CFAP20DC: variants seen among roughly 807,000 people sequenced by gnomAD.
CFAP20DC encodes the protein CFAP20 domain containing.
A neutral mutation model predicts 101.7 loss-of-function variants in CFAP20DC; 84 were observed. That is an observed-to-expected ratio of 0.83 (90% confidence interval 0.69 to 0.99). The LOEUF is 0.99. CFAP20DC is among the 50% of genes least tolerant of loss of function. The probability of loss-of-function intolerance (pLI) is 0.00; values close to 1 mark genes in which losing one functional copy is unlikely to be tolerated. For synonymous variants in CFAP20DC, 359 were observed against 351.2 expected (o/e 1.02, Z -0.25); for missense variants, 1,007 against 970.3 (o/e 1.04, Z -0.50).
intron 5 of CFAP20DC, among the ~76,000 whole-genome samples, chr3:58,924,426 G>T (rs2085727662): frequency 1.3e-5 from 2 of 152,038 alleles, no homozygotes; most frequent in Non-Finnish European, 2.9e-5. Flanking sequence ...TTTTATGGCT[G>T]TGCAGTATTT....
chr3:58,954,179 T>C (rs972780212), intron 4 of CFAP20DC, among the ~76,000 whole-genome samples: 3 of 152,180 alleles, frequency 2.0e-5, no homozygotes, highest in Non-Finnish European at 4.4e-5. Flanking sequence ...TCATCTTTGA[T>C]TGACAGTTTT....
intron 16 of CFAP20DC, among the ~76,000 whole-genome samples, chr3:58,748,532 T>G (rs1356995398): frequency 3.3e-5 from 5 of 151,952 alleles, no homozygotes; most frequent in African/African-American, 1.2e-4. Context: ...CAGAGAAGAC[T>G]CCCCCAGGAC....
In CFAP20DC at chr3:58,874,530, T is replaced by A. The variant is rs1384390277; in HGVS notation, c.716-4221A>T. On this transcript the variant is annotated intron_variant, in intron 7 of 16. Transcript: ENST00000482387. This position sits in a 1 kb window ranked among gnomAD's most constrained non-coding sequence, Gnocchi z 5.1. Reference sequence around the variant, plus strand: ...CTGCATGTTCTGACATGTCTGAGTATCTTACACCTCTCGTTTTCTGCCCTC... The same window carrying A: ...CTGCATGTTCTGACATGTCTGAGTAACTTACACCTCTCGTTTTCTGCCCTC... Among the ~76,000 whole-genome samples, 6 of 152,154 alleles carry A rather than the reference T, an allele frequency of 3.9e-5. No individual in the cohort carries two copies. The highest frequency in any genetic ancestry group is 9.7e-5 in the African/African-American group (4 of 41,444).
At chr3:58,862,115 C>T in intron 12 of CFAP20DC, 2 of 940,866 alleles carry the variant, frequency 2.1e-6, no homozygotes, top group Non-Finnish European at 2.5e-6. Flanking sequence ...GCAGATTATC[C>T]ATAATACTTC....
intron 10 of CFAP20DC, among the ~76,000 whole-genome samples, chr3:58,867,327 C>T (rs185799917): frequency 5.3e-5 from 8 of 152,140 alleles, no homozygotes; most frequent in South Asian, 4.1e-4. Context: ...ATAATGGCCA[C>T]GTATTTGTCT....
intron 14 of CFAP20DC, among the ~76,000 whole-genome samples, chr3:58,826,159 G>T (rs950759279): frequency 1.3e-5 from 2 of 152,086 alleles, no homozygotes; most frequent in African/African-American, 2.4e-5. Flanking sequence ...CTCAGAAGGA[G>T]ATTTTCCTTT....
chr3:59,027,446 G>T (rs2093913509), intron 4 of CFAP20DC, among the ~76,000 whole-genome samples: 1 of 152,246 alleles, frequency 6.6e-6, no homozygotes, highest in Non-Finnish European at 1.5e-5. Flanking sequence ...ATGCACACCA[G>T]AGGGTCTCAG....
chr3:58,915,798 C>T (rs1447120548), intron 5 of CFAP20DC, among the ~76,000 whole-genome samples: 2 of 152,100 alleles, frequency 1.3e-5, no homozygotes, highest in Non-Finnish European at 1.5e-5. Flanking sequence ...TGTCACCCTA[C>T]CCCTCATCTA....
chr3:58,812,551 G>A (rs2074743325), intron 14 of CFAP20DC, among the ~76,000 whole-genome samples: 1 of 151,012 alleles, frequency 6.6e-6, no homozygotes, highest in Non-Finnish European at 1.5e-5. Context: ...TCTGGGGACT[G>A]TTGTGGGGTG....
intron 5 of CFAP20DC, among the ~76,000 whole-genome samples, chr3:58,934,787 C>T (rs1055101793): frequency 2.0e-5 from 3 of 152,156 alleles, no homozygotes; most frequent in African/African-American, 4.8e-5. Flanking sequence ...ATAATAAGAG[C>T]TATCTATGAC....
intron 3 of CFAP20DC, chr3:58,726,949 GAA>G: frequency 8.1e-6 from 2 of 247,580 alleles, no homozygotes; most frequent in Non-Finnish European, 1.6e-5. Flanking sequence ...CACGCCATCA[GAA>G]GAGATGAGAG....
intron 15 of CFAP20DC, among the ~76,000 whole-genome samples, chr3:58,769,728 G>A (rs1441594968): frequency 3.3e-5 from 5 of 152,060 alleles, no homozygotes; most frequent in African/African-American, 4.8e-5. Flanking sequence ...TTACATTATC[G>A]TGACATCTGG....
In CFAP20DC at chr3:58,884,467, C is replaced by T. The variant is rs143969345; in HGVS notation, c.715+78G>A. 7,403 of 1,342,810 alleles carry T rather than the reference C, an allele frequency of 5.5e-3. 31 individuals carry two copies. The highest frequency in any genetic ancestry group is 6.8e-3 in the Non-Finnish European group (6,482 of 946,300). The allele number at this position is 1,342,810 out of a possible 1,614,324, so 83.2% of individuals were successfully genotyped here. A position where few individuals can be genotyped will look rare whatever the true frequency, so the allele number is the denominator to read the frequency against. ...GGATATAGAAGAATGAGGTACAGTG[C>T]CCTTTTTGGAGGAAGTCACACTTTA... On this transcript the variant is annotated intron_variant, in intron 7 of 16. Coordinates refer to ENST00000482387, the MANE Select transcript of CFAP20DC (RefSeq NM_001394063.1).
chr3:58,849,084 G>A lies in CFAP20DC; in HGVS notation c.1919C>T (p.Thr640Ile). ...TTCCCCTGAGATTTCTTTCAGGGAG[G>A]TTTTGTTTAGTGAAGCTGGCACTTG... Reference protein sequence around the residue: ...AQQVPASLNKTSLKEISGERL... With the variant: ...AQQVPASLNKISLKEISGERL... Residue 640 changes from threonine to isoleucine, a missense_variant, in exon 13 of 17, where the codon ACC (threonine) becomes ATC (isoleucine). By Grantham distance (89) the Thr-to-Ile change is moderately conservative (BLOSUM62 -1). Coordinates refer to ENST00000482387, the MANE Select transcript of CFAP20DC (RefSeq NM_001394063.1). 6.5e-7 allele frequency: 1 copy of A among 1,536,088 alleles called. No individual in the cohort carries two copies. Among genetic ancestry groups the A allele is most frequent in the Non-Finnish European group, 8.7e-7 (1 of 1,146,904 alleles).
chr3:58,951,163 T>C (rs1011267781), intron 4 of CFAP20DC, among the ~76,000 whole-genome samples: 16 of 152,172 alleles, frequency 1.1e-4, no homozygotes, highest in Admixed American at 8.5e-4. Flanking sequence ...AAAATGCTCA[T>C]CATCACTGGC....
rs184306372 is a variant in CFAP20DC, at chr3:58,808,924, G to A, written c.2176-2468C>T. Among the ~76,000 whole-genome samples, 18 of 152,168 alleles carry A rather than the reference G, an allele frequency of 1.2e-4. No individual in the cohort carries two copies. In the East Asian group the frequency reaches 3.5e-3, roughly 29 times the overall value. ...GGCAGGGGTTGCAATCCTAGTCTCT[G>A]ACAAAACAGACTTTAAACCAACAAA... On this transcript the variant is annotated intron_variant, in intron 14 of 16. Coordinates refer to ENST00000482387, the MANE Select transcript of CFAP20DC (RefSeq NM_001394063.1).
chr3:58,890,290 C>A (rs1390486436), intron 6 of CFAP20DC, among the ~76,000 whole-genome samples: 1 of 143,994 alleles, frequency 6.9e-6, no homozygotes, highest in African/African-American at 2.6e-5. Context: ...CCGGACGGGG[C>A]GGCTGTCCGG....
chr3:58,742,052 A>G lies in CFAP20DC; in HGVS notation c.*408T>C. 3.1e-6 allele frequency: 3 copies of G among 967,122 alleles called. No homozygotes were observed. In the South Asian group the frequency reaches 1.4e-4, roughly 46 times the overall value. 59.9% of individuals were successfully genotyped at this position (967,122 alleles called of 1,614,324 possible). On this transcript the variant is annotated 3_prime_UTR_variant, in exon 17 of 17. Coordinates refer to ENST00000482387, the MANE Select transcript of CFAP20DC (RefSeq NM_001394063.1). ...TTATTTTTAATACAAATGCCATAAA[A>G]TAAAAGGTACCCAGGCATCTTTTAA...
In CFAP20DC at chr3:58,838,159, C is replaced by T. The variant is rs183776824; in HGVS notation, c.1972-6270G>A. On this transcript the variant is annotated intron_variant, in intron 13 of 16. Transcript: ENST00000482387. ...ATTTATGGTAGCTTTTAGCACGTGT[C>T]TCTACCATGCAAAGGAGTAAATTAA... is the stretch of plus-strand genomic sequence containing the variant. 2.0e-5 allele frequency among the ~76,000 whole-genome samples: 3 copies of T among 152,288 alleles called. No homozygotes were observed. In the East Asian group the frequency reaches 5.8e-4, roughly 29 times the overall value.
Sources: allele counts gnomAD v4.1 joint callset (sites outside exome capture counted in the v4.1 genomes callset), GRCh38; gene constraint gnomAD v4.1.1; non-coding constraint Gnocchi (gnomAD v3.1); transcripts MANE v1.5; gene names NCBI Gene and HGNC (gene_info 2026-07-23, HGNC 2026-07-21).